The following LDB2 variants were observed in gnomAD, a reference collection of about 807,000 sequenced individuals.
LDB2 encodes the protein LIM domain binding 2.
LDB2 carries 12 observed loss-of-function variants against 44.3 expected under a neutral mutation model. The ratio of observed to expected loss-of-function variants is 0.27; its 90% CI spans 0.17 to 0.44. The LOEUF is 0.44. Ranked by LOEUF, LDB2 falls within the 20% of genes least tolerant of loss-of-function variation. The pLI, the probability that LDB2 is intolerant of heterozygous loss-of-function variation, is 1.00. For missense variants in LDB2, 344 were observed against 473.5 expected (o/e 0.73, Z 2.54); for synonymous variants, 164 against 174.8 (o/e 0.94, Z 0.49).
rs1046159328 is a variant in LDB2, at chr4:16,535,283, C to T, written c.616-23179G>A. Reference sequence around the variant, plus strand: ...TGCGATTTAGGGGTAGGAAGACATGCGTAATGGTCCTGCCACCCCTTCTCA... The same window carrying T: ...TGCGATTTAGGGGTAGGAAGACATGTGTAATGGTCCTGCCACCCCTTCTCA... On this transcript the variant is annotated intron_variant, in intron 5 of 7. Coordinates refer to ENST00000304523, the MANE Select transcript of LDB2 (RefSeq NM_001290.5). Among the ~76,000 whole-genome samples the T allele has an allele frequency of 5.3e-5, 8 of 152,134 alleles. No individual in the cohort carries two copies. In the South Asian group the frequency reaches 1.2e-3, roughly 24 times the overall value.
chr4:16,711,997 G>A (rs1755978346), intron 2 of LDB2, among the ~76,000 whole-genome samples: 1 of 151,948 alleles, frequency 6.6e-6, no homozygotes, highest in Non-Finnish European at 1.5e-5. Flanking sequence ...TAGGCCTTAG[G>A]TTATGCAAAG....
chr4:16,744,667 G>A (rs1764032885), intron 2 of LDB2, among the ~76,000 whole-genome samples: 4 of 152,028 alleles, frequency 2.6e-5, no homozygotes, highest in Admixed American at 2.0e-4. Flanking sequence ...TAATAGAGAC[G>A]GGGTTTCACC....
At chr4:16,571,675 C>T (rs531558638) in intron 5 of LDB2, among the ~76,000 whole-genome samples, 1 of 152,290 alleles carries the variant, frequency 6.6e-6, no homozygotes, top group East Asian at 1.9e-4. Context: ...AGGCCATTAA[C>T]ACCTCCCTCT....
intron 2 of LDB2, among the ~76,000 whole-genome samples, chr4:16,758,204 C>T (rs939503350): frequency 6.6e-6 from 1 of 152,130 alleles, no homozygotes; most frequent in African/African-American, 2.4e-5. Context: ...AATTGTTGTT[C>T]TCTAGTGGCT....
At chr4:16,516,318 G>A (rs1156376712) in intron 5 of LDB2, among the ~76,000 whole-genome samples, 5 of 152,168 alleles carry the variant, frequency 3.3e-5, no homozygotes, top group Non-Finnish European at 5.9e-5. Context: ...TTAATAATCT[G>A]TAGATATTAT....
At chr4:16,812,626 AAT>A (rs1378166077) in intron 1 of LDB2, among the ~76,000 whole-genome samples, 31 of 45,406 alleles carry the variant, frequency 6.8e-4, no homozygotes, top group African/African-American at 1.9e-3. Flanking sequence ...CTGTGTATTA[AAT>A]ATATGTGTGT....
intron 1 of LDB2, among the ~76,000 whole-genome samples, chr4:16,844,087 T>TAAA (rs71181192): frequency 0.023 from 2,677 of 117,734 alleles, 101 homozygotes; most frequent in African/African-American, 0.083. Flanking sequence ...ACCCCATCTC[T>TAAA]AAAAAAAAAA....
chr4:16,789,105 G>A (rs1775141953), intron 1 of LDB2, among the ~76,000 whole-genome samples: 1 of 152,190 alleles, frequency 6.6e-6, no homozygotes, highest in African/African-American at 2.4e-5. Context: ...GGGGGAGCAG[G>A]CAGCGGAAAG....
chr4:16,753,594 G>C (rs866672716), intron 2 of LDB2, among the ~76,000 whole-genome samples: 5 of 152,198 alleles, frequency 3.3e-5, no homozygotes, highest in South Asian at 2.1e-4. Flanking sequence ...GAAAAGCACA[G>C]AGAGTGATGA....
intron 1 of LDB2, among the ~76,000 whole-genome samples, chr4:16,817,328 T>A (rs1781135714): frequency 6.6e-6 from 1 of 152,238 alleles, no homozygotes; most frequent in South Asian, 2.1e-4. Flanking sequence ...CAAATATGAT[T>A]AATGTGCTAC....
intron 2 of LDB2, among the ~76,000 whole-genome samples, chr4:16,659,671 G>GTGTGTGTGTATATATATATA (rs1315288524): frequency 1.5e-5 from 2 of 133,522 alleles, no homozygotes; most frequent in Non-Finnish European, 3.1e-5. Flanking sequence ...ATCTATGTGT[G>GTGTGTGTGTATATATATATA]TATATATATA....
In LDB2 at chr4:16,595,688, G is replaced by C. The variant is rs769265958; in HGVS notation, c.408+15C>G. ...AGTAGGAAAAGCCGGGCATGTGACAGAGCCTGTCCTGTACCTTGGTAAACA... is the reference window on the plus strand; with the variant it reads ...AGTAGGAAAAGCCGGGCATGTGACACAGCCTGTCCTGTACCTTGGTAAACA... On this transcript the variant is annotated intron_variant, in intron 3 of 7. Transcript: ENST00000304523. 6.8e-6 allele frequency: 11 copies of C among 1,609,218 alleles called. No homozygotes were observed. The highest frequency in any genetic ancestry group is 1.1e-5 in the South Asian group (1 of 90,246).
chr4:16,631,689 C>G (rs1167404565), intron 2 of LDB2, among the ~76,000 whole-genome samples: 1 of 151,960 alleles, frequency 6.6e-6, no homozygotes, highest in Non-Finnish European at 1.5e-5. Context: ...AGACTGCTAG[C>G]AAGACTGATA....
intron 2 of LDB2, among the ~76,000 whole-genome samples, chr4:16,613,055 ACAT>A (rs1726135391): frequency 6.6e-6 from 1 of 152,170 alleles, no homozygotes; most frequent in African/African-American, 2.4e-5. Flanking sequence ...AACATATGCA[ACAT>A]ATGCAAATCA....
At chr4:16,521,844 GT>G (rs1021816567) in intron 5 of LDB2, among the ~76,000 whole-genome samples, 5 of 152,182 alleles carry the variant, frequency 3.3e-5, no homozygotes, top group African/African-American at 1.2e-4. Flanking sequence ...TGTGGGTTTT[GT>G]TTTCCTGGGT....
At chr4:16,813,328 A>C (rs576096296) in intron 1 of LDB2, among the ~76,000 whole-genome samples, 22 of 152,190 alleles carry the variant, frequency 1.4e-4, no homozygotes, top group Non-Finnish European at 2.6e-4. Flanking sequence ...ATAGCATTTA[A>C]CTAACAATAG....
intron 2 of LDB2, among the ~76,000 whole-genome samples, chr4:16,647,423 T>C (rs2152519840): frequency 6.6e-6 from 1 of 152,328 alleles, no homozygotes. Context: ...GTGAATTGTA[T>C]AGCACATGAA....
intron 2 of LDB2, among the ~76,000 whole-genome samples, chr4:16,655,610 A>G (rs553346218): frequency 6.6e-6 from 1 of 152,328 alleles, no homozygotes; most frequent in African/African-American, 2.4e-5. Context: ...TATTGGCATT[A>G]TCTGTTTGAT....
intron 2 of LDB2, among the ~76,000 whole-genome samples, chr4:16,658,399 G>A (rs943400925): frequency 6.6e-6 from 1 of 152,128 alleles, no homozygotes; most frequent in African/African-American, 2.4e-5. Context: ...TATGTGCATC[G>A]TGGCTAAAAC....
Sources: allele counts gnomAD v4.1 joint callset (sites outside exome capture counted in the v4.1 genomes callset), GRCh38; gene constraint gnomAD v4.1.1; transcripts MANE v1.5; gene names NCBI Gene and HGNC (gene_info 2026-07-23, HGNC 2026-07-21).